Variants in ITGBL1 observed in about 807,000 individuals in gnomAD.
The protein encoded by ITGBL1 is integrin subunit beta like 1.
Under a neutral mutation model 68.5 loss-of-function variants are expected in ITGBL1, and 51 were observed. That is an observed-to-expected ratio of 0.74 (90% CI 0.59 to 0.94). The LOEUF (loss-of-function observed/expected upper bound fraction) is 0.94. Ranked by LOEUF, ITGBL1 falls within the 40% of genes least tolerant of loss-of-function variation. The pLI is 0.00. For missense variants in ITGBL1, 649 were observed against 647.4 expected (o/e 1.00, Z -0.03); for synonymous variants, 209 against 227.3 (o/e 0.92, Z 0.72).
chr13:101,705,551 T>G (rs1176335299), intron 8 of ITGBL1, among the ~76,000 whole-genome samples: 1 of 152,134 alleles, frequency 6.6e-6, no homozygotes, highest in Non-Finnish European at 1.5e-5. Flanking sequence ...GCCATCTATT[T>G]CATTCTCCAC....
chr13:101,604,887 T>TATATATACACACAC, intron 7 of ITGBL1, among the ~76,000 whole-genome samples: 12 of 22,166 alleles, frequency 5.4e-4, no homozygotes, highest in African/African-American at 7.5e-4. Flanking sequence ...TATATATATA[T>TATATATACACACAC]ACACACACAC....
chr13:101,683,741 G>A (rs567468375), intron 7 of ITGBL1, among the ~76,000 whole-genome samples: 2 of 152,096 alleles, frequency 1.3e-5, no homozygotes, highest in African/African-American at 2.4e-5. Flanking sequence ...ATTAGGGTCA[G>A]TTTTTAAATC....
chr13:101,564,883 A>T (rs375662235), intron 2 of ITGBL1, among the ~76,000 whole-genome samples: 3 of 151,986 alleles, frequency 2.0e-5, no homozygotes, highest in South Asian at 4.1e-4. Flanking sequence ...AATAAAATTT[A>T]AAAAAAGAAG....
intron 9 of ITGBL1, 57 bp from the exon 10 acceptor site, chr13:101,714,381 C>A: frequency 2.0e-6 from 2 of 981,270 alleles, no homozygotes; most frequent in South Asian, 2.6e-5. Flanking sequence ...ATATTCTATT[C>A]GAGATGGAAA....
At chr13:101,628,023 T>C (rs2031844555) in intron 7 of ITGBL1, among the ~76,000 whole-genome samples, 1 of 152,126 alleles carries the variant, frequency 6.6e-6, no homozygotes, top group African/African-American at 2.4e-5. Flanking sequence ...ACTGCTGAAC[T>C]GTCTTCCAAA....
chr13:101,530,287 A>G (rs958868975), intron 2 of ITGBL1, among the ~76,000 whole-genome samples: 1 of 152,128 alleles, frequency 6.6e-6, no homozygotes, highest in African/African-American at 2.4e-5. Flanking sequence ...GAGAGAGAGT[A>G]GTGATGGACA....
At chr13:101,595,051 G>A (rs769168550) in intron 6 of ITGBL1, among the ~76,000 whole-genome samples, 7 of 152,162 alleles carry the variant, frequency 4.6e-5, no homozygotes, top group Non-Finnish European at 8.8e-5. Context: ...TCCAGCCTGG[G>A]CAATAGAGTG....
At chr13:101,453,057 A>G (rs1594816683) in intron 1 of ITGBL1, 126 bp downstream of exon 1, 1 of 714,140 alleles carries the variant, frequency 1.4e-6, no homozygotes, top group South Asian at 1.7e-5. Flanking sequence ...ACTGTTTTCA[A>G]CCTGTTCCTT....
At chr13:101,479,731 G>A (rs760408591) in intron 2 of ITGBL1, among the ~76,000 whole-genome samples, 1 of 152,030 alleles carries the variant, frequency 6.6e-6, no homozygotes, top group Non-Finnish European at 1.5e-5. Flanking sequence ...GATCATCAGA[G>A]AAATGCAAAT....
intron 6 of ITGBL1, among the ~76,000 whole-genome samples, chr13:101,588,043 C>T (rs2050587193): frequency 6.6e-6 from 1 of 152,172 alleles, no homozygotes; most frequent in Admixed American, 6.5e-5. Context: ...GCTGAAACAC[C>T]TGCACCTGTT....
chr13:101,542,881 C>T (rs1322052850), intron 2 of ITGBL1, among the ~76,000 whole-genome samples: 1 of 152,040 alleles, frequency 6.6e-6, no homozygotes, highest in Non-Finnish European at 1.5e-5. Context: ...ATTGCAACCC[C>T]TGCCTTTTTT....
At chr13:101,616,728 C>G (rs140252159) in intron 7 of ITGBL1, among the ~76,000 whole-genome samples, 1 of 152,072 alleles carries the variant, frequency 6.6e-6, no homozygotes, top group Admixed American at 6.6e-5. Flanking sequence ...TGACTTCAAG[C>G]GATCTACCCA....
chr13:101,523,112 A>G (rs1318881760), intron 2 of ITGBL1, among the ~76,000 whole-genome samples: 1 of 152,184 alleles, frequency 6.6e-6, no homozygotes, highest in East Asian at 1.9e-4. Context: ...ATTAGCACAT[A>G]TCTGTTCTAT....
chr13:101,466,896 TGTAACAAGATA>T (rs1477664402), intron 2 of ITGBL1, among the ~76,000 whole-genome samples: 1 of 152,164 alleles, frequency 6.6e-6, no homozygotes, highest in Non-Finnish European at 1.5e-5. Flanking sequence ...TTCAGGCTGC[TGTAACAAGATA>T]CCCTAGACTG....
intron 7 of ITGBL1, among the ~76,000 whole-genome samples, chr13:101,622,915 ATGTGTG>A (rs59267168): frequency 2.0e-5 from 3 of 148,512 alleles, no homozygotes; most frequent in African/African-American, 5.0e-5. Flanking sequence ...TGGGGTATGT[ATGTGTG>A]TGTGTGTGTG....
At chr13:101,669,001 G>A (rs1424349413) in intron 7 of ITGBL1, among the ~76,000 whole-genome samples, 1 of 151,968 alleles carries the variant, frequency 6.6e-6, no homozygotes, top group African/African-American at 2.4e-5. Context: ...AGTTCAAAAT[G>A]CTTACCTCCT....
chr13:101,520,337 C>G (rs1237142236), intron 2 of ITGBL1, among the ~76,000 whole-genome samples: 1 of 152,046 alleles, frequency 6.6e-6, no homozygotes, highest in East Asian at 1.9e-4. Flanking sequence ...CTTTTTTTAA[C>G]CAATTATTAG....
rs117062731 is a variant in ITGBL1 at position 101,516,285 on chromosome 13, A to G, written c.317-51414A>G. On this transcript the variant is annotated intron_variant, in intron 2 of 10. Coordinates refer to ENST00000376180, the MANE Select transcript of ITGBL1 (RefSeq NM_004791.3). ...CCATCCTTTGCTTTCTTTTCATGAG[A>G]CAATTGTGATTAAAAAGCACTCTAA... Among the ~76,000 whole-genome samples, 1,280 of 152,214 alleles carry G rather than the reference A, an allele frequency of 8.4e-3. 4 individuals carry two copies. The highest frequency in any genetic ancestry group is 0.031 in the Middle Eastern group (9 of 294).
intron 8 of ITGBL1, among the ~76,000 whole-genome samples, chr13:101,697,538 G>A (rs1268174072): frequency 6.6e-6 from 1 of 152,110 alleles, no homozygotes; most frequent in Non-Finnish European, 1.5e-5. Flanking sequence ...ATTAAGTGAG[G>A]CAGTGCCATA....
Sources: gnomAD v4.1 joint callset for allele counts (sites outside exome capture counted in the v4.1 genomes callset) on GRCh38, gnomAD v4.1.1 for gene constraint, MANE v1.5 for transcripts, NCBI Gene and HGNC (gene_info 2026-07-23, HGNC 2026-07-21) for gene names.